SETX: variants seen among roughly 807,000 people sequenced by gnomAD.
The protein encoded by SETX is senataxin.
Under a neutral mutation model 227.2 loss-of-function variants are expected in SETX, and 90 were observed. That is an observed-to-expected ratio of 0.40 (90% CI 0.33 to 0.47). The LOEUF (loss-of-function observed/expected upper bound fraction) is 0.47, where lower values mean the gene tolerates loss of function less well. Among genes scored for constraint, SETX ranks in the 20% least tolerant of loss-of-function variants. SETX has a pLI of 0.91. For missense variants in SETX, 3,052 were observed against 3,181.5 expected, an observed-to-expected ratio of 0.96 and a Z score of 0.98; for synonymous variants, 1,210 against 1,113.2, an observed-to-expected ratio of 1.09 and a Z score of -1.73.
rs1846770304 is a variant in SETX at position 132,326,483 on chromosome 9, G to A, written c.5115C>T (p.Val1705=). The A allele has an allele frequency of 1.2e-6, 2 of 1,614,074 alleles. No individual in the cohort carries two copies. Among genetic ancestry groups the A allele is most frequent in the Non-Finnish European group, 8.5e-7 (1 of 1,180,042 alleles). Residue 1705 remains valine, a synonymous_variant, in exon 10 of 26, where the codon GTC becomes GTT. Coordinates refer to ENST00000224140, the MANE Select transcript of SETX (RefSeq NM_015046.7). The part of the protein sequence containing the change: ...QSVSDTFVKE[V]LKWKYEMFLN... ...AAAACATTTCATATTTCCATTTTAAGACCTCTTTAACGAAGGTGTCAGAGA... is the reference window on the plus strand; with the variant it reads ...AAAACATTTCATATTTCCATTTTAAAACCTCTTTAACGAAGGTGTCAGAGA...
chr9:132,338,242 C>G (rs905766209), intron 5 of SETX, among the ~76,000 whole-genome samples: 2 of 151,936 alleles, frequency 1.3e-5, no homozygotes, highest in African/African-American at 2.4e-5. Context: ...CAAGGGTGCA[C>G]CACCACGCCC....
At chr9:132,332,918 GAAAAA>G (rs1311545099) in intron 7 of SETX, among the ~76,000 whole-genome samples, 6 of 100,678 alleles carry the variant, frequency 6.0e-5, no homozygotes, top group Non-Finnish European at 1.1e-4. Context: ...TGTCTCAAAA[GAAAAA>G]AAAAAAAAAA....
In SETX at chr9:132,329,251, G is replaced by A. The variant is rs1427762370; in HGVS notation, c.2347C>T (p.Gln783Ter). 6.2e-7 allele frequency: 1 copy of A among 1,613,706 alleles called. No homozygotes were observed. Residue 783 changes from glutamine (Q) to a stop codon, truncating the protein, a stop_gained, in exon 10 of 26, where the codon CAG (glutamine) becomes TAG (stop). Coordinates refer to ENST00000224140, the MANE Select transcript of SETX (RefSeq NM_015046.7). LOFTEE classifies it high-confidence loss of function. Reference sequence around the variant, plus strand: ...AACTTTGCACAGATTTCATCTTTCTGTACCTTAGTTTTTCGTTTTGAGGTT... The same window carrying A: ...AACTTTGCACAGATTTCATCTTTCTATACCTTAGTTTTTCGTTTTGAGGTT... Reference protein sequence around the residue: ...AKTSKRKTKVQKDEICAKLSH... With the variant: ...AKTSKRKTKV
intron 10 of SETX, among the ~76,000 whole-genome samples, chr9:132,314,827 T>C (rs533852894): frequency 6.6e-6 from 1 of 151,388 alleles, no homozygotes; most frequent in East Asian, 1.9e-4. Flanking sequence ...TTGGTTATAA[T>C]GAGGTTTCTT....
intron 10 of SETX, among the ~76,000 whole-genome samples, chr9:132,322,989 T>G (rs539824): frequency 0.75 from 113,814 of 151,780 alleles, 43,964 homozygotes; most frequent in Non-Finnish European, 0.84. Context: ...CAAGAAAGGA[T>G]AACAAAAAGA....
chr9:132,334,567 A>G (rs1249671790), intron 7 of SETX, 41 bp downstream of exon 7: 2 of 1,609,652 alleles, frequency 1.2e-6, no homozygotes, highest in Non-Finnish European at 1.7e-6. Context: ...GTGCATCATC[A>G]TCACTATATT....
At chr9:132,334,837 A>C (rs1847490119) in intron 6 of SETX, 110 bp from the exon 7 acceptor site, 2 of 1,193,124 alleles carry the variant, frequency 1.7e-6, no homozygotes, top group Non-Finnish European at 2.5e-6. Flanking sequence ...GATAGTATTT[A>C]GTTTCTCAAA....
intron 11 of SETX, among the ~76,000 whole-genome samples, chr9:132,303,283 A>G (rs966242117): frequency 6.6e-6 from 1 of 151,378 alleles, no homozygotes; most frequent in Non-Finnish European, 1.5e-5. Flanking sequence ...TTGGCCTCCT[A>G]AAGTGCTGAG....
chr9:132,288,333 T>G lies in SETX; in HGVS notation c.6227A>C (p.His2076Pro), dbSNP rs1844052710. 6.2e-7 allele frequency: 1 copy of G among 1,613,454 alleles called. No individual in the cohort carries two copies. The highest frequency in any genetic ancestry group is 8.5e-7 in the Non-Finnish European group (1 of 1,179,394). Residue 2076 changes from histidine (H) to proline (P), a missense_variant, in exon 17 of 26, where the codon CAT becomes CCT. By Grantham distance (77) the His-to-Pro change is moderately conservative. Around this residue, in one of 10 missense-constraint regions of SETX, gnomAD observed 412 missense variants for 589.0 expected, o/e 0.70. Coordinates refer to ENST00000224140, the MANE Select transcript of SETX (RefSeq NM_015046.7). ...NHRMKKELPS[H>P]VQAMHKRKEF... ...CTTTCTTTTATGCATCGCCTGAACATGAGAAGGTAACTCTTTTTCTAATAA... is the reference window on the plus strand; with the variant it reads ...CTTTCTTTTATGCATCGCCTGAACAGGAGAAGGTAACTCTTTTTCTAATAA...
In SETX at chr9:132,301,622, G is replaced by A. The variant is rs1347072458; in HGVS notation, c.5375-819C>T. Reference sequence around the variant, plus strand: ...ACAATTACCTACAGTATTCAATACGGTAACATGCTGTACAGGTTGGCAGAC... The same window carrying A: ...ACAATTACCTACAGTATTCAATACGATAACATGCTGTACAGGTTGGCAGAC... On this transcript the variant is annotated intron_variant, in intron 11 of 25. Transcript: ENST00000224140. Among the ~76,000 whole-genome samples, 5 of 152,090 alleles carry A rather than the reference G, an allele frequency of 3.3e-5. No homozygotes were observed. In the East Asian group the frequency reaches 9.7e-4, roughly 29 times the overall value.
At chr9:132,271,120 CA>C (rs1246814490) in intron 24 of SETX, among the ~76,000 whole-genome samples, 7 of 152,202 alleles carry the variant, frequency 4.6e-5, no homozygotes, top group African/African-American at 1.7e-4. Context: ...TTAAGGTGAA[CA>C]AATTTAGCCA....
In SETX at chr9:132,278,247, T is replaced by C. The variant is rs1283080667; in HGVS notation, c.6665A>G (p.Glu2222Gly). Residue 2222 changes from glutamate (E) to glycine (G), a missense_variant, in exon 21 of 26, where the codon GAG becomes GGG. Transcript: ENST00000224140. ...PPTVISMKAQ[E>G]YGYDQSMMAR... ...CATCATTGACTGGTCGTAGCCATAC[T>C]CCTGTGCTTTCTGTGAGGGGCAAAA... The C allele has an allele frequency of 6.2e-7, 1 of 1,614,148 alleles. No homozygotes were observed. The highest frequency in any genetic ancestry group is 8.5e-7 in the Non-Finnish European group (1 of 1,180,014).
rs375406664 is a variant in SETX at position 132,311,788 on chromosome 9, A to G, written c.5343T>C (p.Pro1781=). 8 of 1,613,542 alleles carry G rather than the reference A, an allele frequency of 5.0e-6. No individual in the cohort carries two copies. The African/African-American group carries it at 1.1e-4, about 22-fold the overall frequency. The change falls in exon 11 of 26, where the codon CCT becomes CCC. Residue 1781 remains proline, a synonymous_variant. Coordinates refer to ENST00000224140, the MANE Select transcript of SETX (RefSeq NM_015046.7). ...ACTCCCAGTATTTTATATAATCGGC[A>G]GGAAATTTTCGTACTTGCAACTGAT... ...NFYQLQVRKF[P]ADYIKYWEFA... is the part of the protein sequence containing the mutation.
chr9:132,332,678 T>G (rs1019358857), intron 7 of SETX, among the ~76,000 whole-genome samples: 15 of 152,186 alleles, frequency 9.9e-5, no homozygotes, highest in African/African-American at 3.4e-4. Context: ...TCCCAACACT[T>G]TGGGAGGCCG....
Position 132,331,561 on chromosome 9 carries a change from C to A in SETX, c.839-113G>T, listed in dbSNP as rs1296094662. The A allele has an allele frequency of 1.7e-5, 20 of 1,162,990 alleles. No individual in the cohort carries two copies. In the East Asian group the frequency reaches 5.1e-4, roughly 30 times the overall value. The allele number at this position is 1,162,990 out of a possible 1,614,324, so 72.0% of individuals were successfully genotyped here. A position where few individuals can be genotyped will look rare whatever the true frequency, so the allele number is the denominator to read the frequency against. On this transcript the variant is annotated intron_variant, in intron 7 of 25. Coordinates refer to ENST00000224140, the MANE Select transcript of SETX (RefSeq NM_015046.7). Reference sequence around the variant, plus strand: ...GGTGAGTAGCAACCCAACTAAAAGCCAAGGAGCAAATAATTTAAAGCAGTG... The same window carrying A: ...GGTGAGTAGCAACCCAACTAAAAGCAAAGGAGCAAATAATTTAAAGCAGTG...
At position 132,329,366 on chromosome 9, in the gene SETX, T is replaced by G. The variant is rs749481788; in HGVS notation, c.2232A>C (p.Thr744=). The part of the protein sequence containing the change: ...RGCDRGIIVS[T]RLLTDSSTDA... ...CAGTGCTAGAATCAGTCAACAAACG[T>G]GTTGATACTATTATTCCTCTGTCAC... The change falls in exon 10 of 26, where the codon ACA becomes ACC. Residue 744 remains threonine (T), a synonymous_variant. Transcript: ENST00000224140. 1.9e-6 allele frequency: 3 copies of G among 1,614,004 alleles called. No individual in the cohort carries two copies. The highest frequency in any genetic ancestry group is 1.7e-6 in the Non-Finnish European group (2 of 1,179,968).
chr9:132,261,394 CCCA>C lies in SETX; in HGVS notation c.*2842_*2844del, dbSNP rs1299034359. ...TTTTTATATCTGAATTGCACAAATC[CCCA>C]CCAAGTAATTTCAGCATAAAGCAAA... On this transcript the variant is annotated 3_prime_UTR_variant, in exon 26 of 26. Transcript: ENST00000224140. 3 of 152,200 alleles carry C rather than the reference CCCA, an allele frequency of 2.0e-5. No homozygotes were observed. The highest frequency in any genetic ancestry group is 4.4e-5 in the Non-Finnish European group (3 of 68,060). 9.4% of individuals were successfully genotyped at this position (152,200 alleles called of 1,614,324 possible). A position where few individuals can be genotyped will look rare whatever the true frequency, so the allele number is the denominator to read the frequency against.
intron 18 of SETX, among the ~76,000 whole-genome samples, chr9:132,284,778 G>T (rs2131221817): frequency 6.6e-6 from 1 of 152,020 alleles, no homozygotes; most frequent in Non-Finnish European, 1.5e-5. Flanking sequence ...CTTCTATCCA[G>T]GTTGGAGCTC....
At chr9:132,272,312 C>T (rs1842942099) in intron 23 of SETX, among the ~76,000 whole-genome samples, 2 of 152,086 alleles carry the variant, frequency 1.3e-5, no homozygotes, top group East Asian at 1.9e-4. Flanking sequence ...GACCACCACC[C>T]TAATTTTTCC....
Sources: allele counts gnomAD v4.1 joint callset (sites outside exome capture counted in the v4.1 genomes callset), GRCh38; gene constraint gnomAD v4.1.1; regional missense constraint gnomAD v4.1.1; transcripts MANE v1.5; gene names NCBI Gene and HGNC (gene_info 2026-07-23, HGNC 2026-07-21).